NEK10: variants seen among roughly 807,000 people sequenced by gnomAD.
The protein encoded by NEK10 is NIMA related kinase 10.
Under a neutral mutation model 159.8 loss-of-function variants are expected in NEK10, and 122 were observed. The observed-to-expected ratio is 0.76, with a 90% CI of 0.66 to 0.89. The LOEUF (loss-of-function observed/expected upper bound fraction) is 0.89, where lower values mean the gene tolerates loss of function less well. Ranked by LOEUF, NEK10 falls within the 40% of genes least tolerant of loss-of-function variation. NEK10 has a pLI of 0.00. For missense variants in NEK10, 1,342 were observed against 1,323.1 expected (o/e 1.01, Z -0.22); for synonymous variants, 466 against 457.1 (o/e 1.02, Z -0.25).
intron 23 of NEK10, among the ~76,000 whole-genome samples, chr3:27,221,058 T>C (rs1952056528): frequency 6.6e-6 from 1 of 152,198 alleles, no homozygotes; most frequent in African/African-American, 2.4e-5. Context: ...GAATTAGAAC[T>C]ATAAAACTTA....
At position 27,312,197 on chromosome 3, in the gene NEK10, A is replaced by T; in HGVS notation, c.490-20T>A. On this transcript the variant is annotated intron_variant, in intron 7 of 35. Transcript: ENST00000691995. ...CATATACTGCATGAAGGACCAAACCAACAAGCCAGTCAGGACACCAAAAGC... is the reference window on the plus strand; with the variant it reads ...CATATACTGCATGAAGGACCAAACCTACAAGCCAGTCAGGACACCAAAAGC... The T allele has an allele frequency of 6.5e-7, 1 of 1,534,144 alleles. No homozygotes were observed. The highest frequency in any genetic ancestry group is 8.9e-7 in the Non-Finnish European group (1 of 1,122,544).
rs1939255951 is a variant in NEK10 at position 27,109,083 on chromosome 3, G to T, written c.*2189C>A. The stretch of plus-strand genomic sequence containing the variant: ...AAATGCCCATTCCTATCACCTAAAA[G>T]AGTTACATGCAATGGCTGGGCACAG... On this transcript the variant is annotated 3_prime_UTR_variant, in exon 36 of 36. Coordinates refer to ENST00000691995, the MANE Select transcript of NEK10 (RefSeq NM_001394966.1). Among the ~76,000 whole-genome samples, 2 of 152,108 alleles carry T rather than the reference G, an allele frequency of 1.3e-5. No individual in the cohort carries two copies. Among genetic ancestry groups the T allele is most frequent in the South Asian group, 4.1e-4 (2 of 4,832 alleles).
At chr3:27,187,760 CA>C (rs34803938) in intron 26 of NEK10, among the ~76,000 whole-genome samples, 20,020 of 128,978 alleles carry the variant, frequency 0.16, 2,853 homozygotes, top group African/African-American at 0.39. Flanking sequence ...GACTCCATCT[CA>C]AAAAAAAAAA....
At position 27,352,452 on chromosome 3, in the gene NEK10, T is replaced by C. The variant is rs564771128; in HGVS notation, c.132+13A>G. On this transcript the variant is annotated intron_variant, in intron 3 of 35. Transcript: ENST00000691995. Reference sequence around the variant, plus strand: ...TCTTTTATTACCAAGTGAACATTCTTTGAAAACGCTACCTGTTGTTTGCTT... The same window carrying C: ...TCTTTTATTACCAAGTGAACATTCTCTGAAAACGCTACCTGTTGTTTGCTT... The C allele has an allele frequency of 2.0e-5, 32 of 1,594,830 alleles. 1 individual carries two copies. The highest frequency in any genetic ancestry group is 5.4e-5 in the African/African-American group (4 of 74,538).
chr3:27,336,432 A>G (rs1233874216), intron 5 of NEK10, among the ~76,000 whole-genome samples: 5 of 152,190 alleles, frequency 3.3e-5, no homozygotes, highest in African/African-American at 9.6e-5. Flanking sequence ...AAGAACTAAT[A>G]TCAATCCTCC....
chr3:27,213,456 G>A (rs1397549081), intron 23 of NEK10, among the ~76,000 whole-genome samples: 1 of 152,110 alleles, frequency 6.6e-6, no homozygotes, highest in Non-Finnish European at 1.5e-5. Context: ...CTACTAACGT[G>A]ACCAAAAATT....
chr3:27,257,474 C>T (rs1196992180), intron 22 of NEK10, among the ~76,000 whole-genome samples: 1 of 152,146 alleles, frequency 6.6e-6, no homozygotes, highest in East Asian at 1.9e-4. Context: ...ATTATATATA[C>T]TAAAATACCT....
intron 30 of NEK10, among the ~76,000 whole-genome samples, chr3:27,150,476 T>G (rs1385758346): frequency 2.0e-5 from 3 of 152,200 alleles, no homozygotes; most frequent in Non-Finnish European, 4.4e-5. Context: ...AGAATTGTAC[T>G]AAATCTATTC....
chr3:27,299,427 C>A (rs544465477), intron 13 of NEK10, among the ~76,000 whole-genome samples: 24 of 152,308 alleles, frequency 1.6e-4, no homozygotes, highest in Admixed American at 1.6e-3. Context: ...GATGCCCAGG[C>A]AGAAGTTTGC....
At chr3:27,224,350 C>T (rs905552662) in intron 23 of NEK10, among the ~76,000 whole-genome samples, 1 of 152,222 alleles carries the variant, frequency 6.6e-6, no homozygotes, top group East Asian at 1.9e-4. Flanking sequence ...GCTTCTGTAC[C>T]CAGGCCCCTG....
intron 30 of NEK10, among the ~76,000 whole-genome samples, chr3:27,144,469 A>G (rs1300710231): frequency 6.6e-6 from 1 of 152,210 alleles, no homozygotes; most frequent in Non-Finnish European, 1.5e-5. Flanking sequence ...CCAAGGATAC[A>G]TTGTAACAAA....
At chr3:27,163,217 C>T (rs958040606) in intron 29 of NEK10, among the ~76,000 whole-genome samples, 5 of 151,996 alleles carry the variant, frequency 3.3e-5, no homozygotes, top group African/African-American at 1.2e-4. Flanking sequence ...TTTGCCTTGC[C>T]CCAAAATTCT....
chr3:27,184,286 C>G (rs1391544086), intron 26 of NEK10, among the ~76,000 whole-genome samples: 1 of 152,138 alleles, frequency 6.6e-6, no homozygotes, highest in Non-Finnish European at 1.5e-5. Context: ...GGGTGAATCT[C>G]ATAGATATTT....
At chr3:27,165,342 T>C (rs1333354397) in intron 29 of NEK10, among the ~76,000 whole-genome samples, 2 of 152,172 alleles carry the variant, frequency 1.3e-5, no homozygotes, top group African/African-American at 2.4e-5. Context: ...GGTTCACAGA[T>C]GGACAAATGG....
At position 27,304,759 on chromosome 3, in the gene NEK10, T is replaced by C. The variant is rs1559468087; in HGVS notation, c.1016A>G (p.His339Arg). ...RIWGGIKQLL[H>R]ILQGDRNFVS... ...CACTTTTACTCACCCTTGTAAAATA[T>C]GAAGAAGCTGTTTGATGCCTCCCCA... The change falls in exon 12 of 36, where the codon CAT becomes CGT. Residue 339 changes from histidine (H) to arginine (R), a missense_variant. Transcript: ENST00000691995. 5 of 1,611,844 alleles carry C rather than the reference T, an allele frequency of 3.1e-6. No individual in the cohort carries two copies. Among genetic ancestry groups the C allele is most frequent in the Non-Finnish European group, 4.2e-6 (5 of 1,177,962 alleles).
Position 27,357,446 on chromosome 3 carries a change from T to C in NEK10, c.-37-4527A>G, listed in dbSNP as rs139711377. 5.8e-3 allele frequency among the ~76,000 whole-genome samples: 889 copies of C among 152,262 alleles called. 9 individuals are homozygous for C. Among genetic ancestry groups the C allele is most frequent in the African/African-American group, 0.021 (852 of 41,544 alleles). ...AGCACATTCAGGAATTATTCAGTCATTGGGGGAAACTTAGAGTTCTATATA... is the reference window on the plus strand; with the variant it reads ...AGCACATTCAGGAATTATTCAGTCACTGGGGGAAACTTAGAGTTCTATATA... On this transcript the variant is annotated intron_variant, in intron 1 of 35. Transcript: ENST00000691995.
intron 26 of NEK10, among the ~76,000 whole-genome samples, chr3:27,182,389 A>T (rs1391103657): frequency 6.6e-6 from 1 of 152,162 alleles, no homozygotes; most frequent in Non-Finnish European, 1.5e-5. Context: ...AGCTACAAAA[A>T]TCAAAACGGT....
intron 32 of NEK10, among the ~76,000 whole-genome samples, chr3:27,130,995 C>T (rs918585233): frequency 3.9e-5 from 6 of 152,074 alleles, no homozygotes; most frequent in African/African-American, 1.4e-4. Context: ...TGTGAAACAA[C>T]AAAGCTAAAG....
chr3:27,174,861 G>C (rs1448318394), intron 26 of NEK10, 28 bp from the exon 27 acceptor site: 2 of 1,533,400 alleles, frequency 1.3e-6, no homozygotes, highest in African/African-American at 2.8e-5. Flanking sequence ...GTTTTTCATA[G>C]CCTCTTTCTC....
Sources: gnomAD v4.1 joint callset for allele counts (sites outside exome capture counted in the v4.1 genomes callset) on GRCh38, gnomAD v4.1.1 for gene constraint, MANE v1.5 for transcripts, NCBI Gene and HGNC (gene_info 2026-07-23, HGNC 2026-07-21) for gene names.